The following SMO variants were observed in gnomAD, a reference collection of about 807,000 sequenced individuals.
SMO encodes the protein smoothened, frizzled class receptor.
Under a neutral mutation model 81.6 loss-of-function variants are expected in SMO, and 40 were observed. That is an observed-to-expected ratio of 0.49 (90% CI 0.38 to 0.64). The LOEUF (loss-of-function observed/expected upper bound fraction) is 0.64, where lower values mean the gene tolerates loss of function less well. Among genes scored for constraint, SMO ranks in the 30% least tolerant of loss-of-function variants. The probability of loss-of-function intolerance (pLI) is 0.00; values close to 1 mark genes in which losing one functional copy is unlikely to be tolerated. For missense variants in SMO, 916 were observed against 1,061.1 expected, an observed-to-expected ratio of 0.86 and a Z score of 1.90; for synonymous variants, 434 against 432.1, an observed-to-expected ratio of 1.00 and a Z score of -0.05.
Position 129,208,919 on chromosome 7 carries a change from T to C in SMO, c.1357+68T>C, listed in dbSNP as rs1162440676. 1.8e-6 allele frequency: 2 copies of C among 1,089,450 alleles called. No individual in the cohort carries two copies. The highest frequency in any genetic ancestry group is 3.1e-5 in the African/African-American group (2 of 64,574). 67.5% of individuals were successfully genotyped at this position (1,089,450 alleles called of 1,614,324 possible). On this transcript the variant is annotated intron_variant, in intron 7 of 11. Transcript: ENST00000249373. This position sits in a 1 kb window ranked among gnomAD's most constrained non-coding sequence, Gnocchi z 5.2. Reference sequence around the variant, plus strand: ...CCAACACTGCACCCTCCTGGGGCTATGCGACCGGCAGGATGCAGTAAGTCA... The same window carrying C: ...CCAACACTGCACCCTCCTGGGGCTACGCGACCGGCAGGATGCAGTAAGTCA...
At chr7:129,209,447 A>T (rs369941402) in intron 8 of SMO, 50 bp downstream of exon 8, 1 of 1,272,260 alleles carries the variant, frequency 7.9e-7, no homozygotes, top group Non-Finnish European at 1.1e-6. Context: ...AGCCAAGGCC[A>T]TAAAGACACC....
At chr7:129,207,492 C>G (rs1028548781) in intron 6 of SMO, among the ~76,000 whole-genome samples, 3 of 152,142 alleles carry the variant, frequency 2.0e-5, no homozygotes, top group Non-Finnish European at 2.9e-5. Flanking sequence ...GAACTGCCAG[C>G]CTTCTGTTCA....
rs116640950 is a variant in SMO, at chr7:129,212,180, C to T, written c.2093C>T (p.Pro698Leu). 1 of 1,557,258 alleles carries T rather than the reference C, an allele frequency of 6.4e-7. No homozygotes were observed. The highest frequency in any genetic ancestry group is 8.7e-7 in the Non-Finnish European group (1 of 1,150,344). Residue 698 changes from proline (P) to leucine (L), a missense_variant, in exon 12 of 12, where the codon CCC becomes CTC. This residue lies in a region of SMO where 324 missense variants were observed against 312.9 expected (regional missense o/e 1.04). Coordinates refer to ENST00000249373, the MANE Select transcript of SMO (RefSeq NM_005631.5). The surrounding 1 kb of genome is among the most constrained non-coding windows in gnomAD (Gnocchi z 5.0). ...GAGCTTCACCCCCCTGCCCCTGCCC[C>T]CAGTACCATTCCTCGACTGCCTCAG... ...PPELHPPAPA[P>L]STIPRLPQLP...
At chr7:129,200,723 GTTT>G (rs566913947) in intron 1 of SMO, among the ~76,000 whole-genome samples, 6,492 of 151,570 alleles carry the variant, frequency 0.043, 152 homozygotes, top group African/African-American at 0.048. Context: ...AAAAATTACA[GTTT>G]TTTTTTTGTT....
intron 2 of SMO, among the ~76,000 whole-genome samples, chr7:129,204,442 C>T (rs1312628817): frequency 6.6e-6 from 1 of 152,016 alleles, no homozygotes; most frequent in Non-Finnish European, 1.5e-5. Context: ...GTCAGAAGTT[C>T]AAGACCAGCC....
chr7:129,200,147 C>T (rs1228108583), intron 1 of SMO, among the ~76,000 whole-genome samples: 2 of 152,126 alleles, frequency 1.3e-5, no homozygotes, highest in Non-Finnish European at 2.9e-5. Flanking sequence ...CCTGGCCAGG[C>T]GTGGTGGCTC....
chr7:129,198,004 C>G (rs1017502268), intron 1 of SMO, among the ~76,000 whole-genome samples: 1 of 152,160 alleles, frequency 6.6e-6, no homozygotes, highest in Non-Finnish European at 1.5e-5. Flanking sequence ...CTGATATCCC[C>G]TCTCTTTCTC....
At chr7:129,204,062 T>G (rs540708025) in intron 2 of SMO, among the ~76,000 whole-genome samples, 1 of 152,168 alleles carries the variant, frequency 6.6e-6, no homozygotes, top group African/African-American at 2.4e-5. Context: ...GCCATTATAA[T>G]AAGCTCATGC....
intron 1 of SMO, among the ~76,000 whole-genome samples, chr7:129,199,182 CTTTTTTTT>C (rs71526090): frequency 7.9e-6 from 1 of 126,650 alleles, no homozygotes; most frequent in Non-Finnish European, 1.6e-5. Context: ...ATTTTCTTTT[CTTTTTTTT>C]TTTTTTTTTG....
At chr7:129,204,507 A>G (rs964954178) in intron 2 of SMO, among the ~76,000 whole-genome samples, 9 of 149,874 alleles carry the variant, frequency 6.0e-5, no homozygotes, top group African/African-American at 2.0e-4. Context: ...TTAGCCAGAC[A>G]TGGTGGTGGG....
In SMO at chr7:129,210,536, G is replaced by C. The variant is rs771078092; in HGVS notation, c.1640G>C (p.Arg547Pro). The C allele has an allele frequency of 1.9e-6, 3 of 1,613,560 alleles. No homozygotes were observed. The highest frequency in any genetic ancestry group is 2.5e-6 in the Non-Finnish European group (3 of 1,179,570). The change falls in exon 9 of 12, where the codon CGT becomes CCT. Residue 547 changes from arginine to proline, a missense_variant. Coordinates refer to ENST00000249373, the MANE Select transcript of SMO (RefSeq NM_005631.5). The surrounding 1 kb of genome is among the most constrained non-coding windows in gnomAD (Gnocchi z 4.7). ...WTKATLLIWR[R>P]TWCRLTGQSD... ...AAGGCCACGCTGCTCATCTGGAGGCGTACCTGGTGCAGGTGGGCATGGCAG... is the reference window on the plus strand; with the variant it reads ...AAGGCCACGCTGCTCATCTGGAGGCCTACCTGGTGCAGGTGGGCATGGCAG...
At position 129,197,132 on chromosome 7, in the gene SMO, A is replaced by G. The variant is rs143522833; in HGVS notation, c.332-6252A>G. 3.4e-3 allele frequency among the ~76,000 whole-genome samples: 522 copies of G among 151,980 alleles called. 4 individuals are homozygous for G. The highest frequency in any genetic ancestry group is 0.012 in the African/African-American group (489 of 41,524). ...TCAGTAAACTTGCTAAATTTATTCT[A>G]TACACATAGTCATATAATTTGTGAG... On this transcript the variant is annotated intron_variant, in intron 1 of 11. Transcript: ENST00000249373.
chr7:129,200,385 CACTCCAG>C (rs1374664178), intron 1 of SMO, among the ~76,000 whole-genome samples: 3 of 152,180 alleles, frequency 2.0e-5, no homozygotes, highest in African/African-American at 7.2e-5. Context: ...CACATTACTG[CACTCCAG>C]CCTGGGCGAC....
rs1793859097 is a variant in SMO at position 129,210,972 on chromosome 7, G to A, written c.1660G>A (p.Gly554Arg). 1 of 1,608,634 alleles carries A rather than the reference G, an allele frequency of 6.2e-7. No homozygotes were observed. The highest frequency in any genetic ancestry group is 8.5e-7 in the Non-Finnish European group (1 of 1,177,224). The change falls in exon 10 of 12, where the codon GGG becomes AGG. Residue 554 changes from glycine (G) to arginine (R), a missense_variant. Physicochemically the swap from Gly to Arg is moderately radical, Grantham distance 125. This residue lies in a region of SMO where 324 missense variants were observed against 312.9 expected (regional missense o/e 1.04). Coordinates refer to ENST00000249373, the MANE Select transcript of SMO (RefSeq NM_005631.5). This position sits in a 1 kb window ranked among gnomAD's most constrained non-coding sequence, Gnocchi z 4.7. ...TATCCCTTCTGCTCTCAGGTTGACT[G>A]GGCAGAGTGACGATGAGCCAAAGCG... The part of the protein sequence containing the change: ...IWRRTWCRLT[G>R]QSDDEPKRIK...
rs770949067 is a variant in SMO, at chr7:129,205,705, G to C, written c.843G>C (p.Trp281Cys). Residue 281 changes from tryptophan to cysteine, a missense_variant, in exon 4 of 12, where the codon TGG (tryptophan) becomes TGC (cysteine). Transcript: ENST00000249373. ...GCTTCTTTGTGGGCAGCATTGGCTG[G>C]CTGGCCCAGTTCATGGATGGTGCCC... is the stretch of plus-strand genomic sequence containing the variant. ...NACFFVGSIG[W>C]LAQFMDGARR... 2 of 1,613,168 alleles carry C rather than the reference G, an allele frequency of 1.2e-6. No individual in the cohort carries two copies. Among genetic ancestry groups the C allele is most frequent in the African/African-American group, 2.7e-5 (2 of 74,932 alleles).
chr7:129,190,013 T>TC (rs962950228), intron 1 of SMO, among the ~76,000 whole-genome samples: 9 of 152,082 alleles, frequency 5.9e-5, no homozygotes, highest in Non-Finnish European at 1.0e-4. Context: ...ACCAGAAAGT[T>TC]CTGGAAATCT....
At chr7:129,207,272 T>C (rs573170788) in intron 6 of SMO, among the ~76,000 whole-genome samples, 2 of 152,342 alleles carry the variant, frequency 1.3e-5, no homozygotes, top group African/African-American at 4.8e-5. Context: ...TTTGGTTATC[T>C]GTGTGCACAT....
Position 129,188,994 on chromosome 7 carries a change from G to A in SMO, c.-158G>A. 1 of 550,894 alleles carries A rather than the reference G, an allele frequency of 1.8e-6. No homozygotes were observed. The highest frequency in any genetic ancestry group is 2.7e-6 in the Non-Finnish European group (1 of 374,780). The allele number at this position is 550,894 out of a possible 1,614,324, so 34.1% of individuals were successfully genotyped here. On this transcript the variant is annotated 5_prime_UTR_variant, in exon 1 of 12. Transcript: ENST00000249373. This position sits in a 1 kb window ranked among gnomAD's most constrained non-coding sequence, Gnocchi z 4.9. ...TTGCGAAGTTGGGCGCCGAGGGGCCGGGGCGCGCGGAGCGTCCGGGGGGGC... is the reference window on the plus strand; with the variant it reads ...TTGCGAAGTTGGGCGCCGAGGGGCCAGGGCGCGCGGAGCGTCCGGGGGGGC...
rs200995862 is a variant in SMO at position 129,211,135 on chromosome 7, C to G, written c.1801+22C>G. 6.3e-7 allele frequency: 1 copy of G among 1,589,300 alleles called. No individual in the cohort carries two copies. Among genetic ancestry groups the G allele is most frequent in the Non-Finnish European group, 8.6e-7 (1 of 1,167,176 alleles). On this transcript the variant is annotated intron_variant, in intron 10 of 11. Coordinates refer to ENST00000249373, the MANE Select transcript of SMO (RefSeq NM_005631.5). The surrounding 1 kb of genome is among the most constrained non-coding windows in gnomAD (Gnocchi z 4.6). ...GTGGGTGAGCCTCACCCCTCCTCTACCGGAGCCGCCTGGCCCCGCGCTGCC... is the reference window on the plus strand; with the variant it reads ...GTGGGTGAGCCTCACCCCTCCTCTAGCGGAGCCGCCTGGCCCCGCGCTGCC...
Sources: allele counts gnomAD v4.1 joint callset (sites outside exome capture counted in the v4.1 genomes callset), GRCh38; gene constraint gnomAD v4.1.1; regional missense constraint gnomAD v4.1.1; non-coding constraint Gnocchi (gnomAD v3.1); transcripts MANE v1.5; gene names NCBI Gene and HGNC (gene_info 2026-07-23, HGNC 2026-07-21).